The following ADAM20 variants were observed in gnomAD, a reference collection of about 807,000 sequenced individuals.
ADAM20 encodes the protein disintegrin and metalloproteinase domain-containing protein 20.
For missense variants in ADAM20, 871 were observed against 883.2 expected, an observed-to-expected ratio of 0.99 and a Z score of 0.18; for synonymous variants, 305 against 310.2, an observed-to-expected ratio of 0.98 and a Z score of 0.18.
the ADAM20 span, among the ~76,000 whole-genome samples, chr14:70,569,907 A>C: frequency 1.4e-5 from 2 of 145,964 alleles, no homozygotes; most frequent in African/African-American, 5.4e-5. Context: ...AAAAAAAAAA[A>C]AAAAAAACAC....
chr14:70,572,568 C>A, the ADAM20 span, among the ~76,000 whole-genome samples: 3 of 152,038 alleles, frequency 2.0e-5, no homozygotes, highest in South Asian at 4.2e-4. Context: ...ACCTCAAAAA[C>A]AAATGCAACA....
At chr14:70,555,332 C>G in the ADAM20 span, among the ~76,000 whole-genome samples, 3 of 152,154 alleles carry the variant, frequency 2.0e-5, no homozygotes, top group African/African-American at 4.8e-5. Flanking sequence ...ATTAGCTTGA[C>G]TGTGGTGATT....
upstream of ADAM20, among the ~76,000 whole-genome samples, chr14:70,538,426 C>T (rs1247830838): frequency 6.6e-6 from 1 of 152,130 alleles, no homozygotes; most frequent in African/African-American, 2.4e-5. Flanking sequence ...TAACTTCCAC[C>T]CTCACCCCGA....
chr14:70,567,363 G>C, the ADAM20 span, among the ~76,000 whole-genome samples: 62 of 152,180 alleles, frequency 4.1e-4, no homozygotes, highest in African/African-American at 1.4e-3. Context: ...CTAACCACCA[G>C]CATGGGCTAC....
chr14:70,563,465 AACTGTGTTGTTCT>A, the ADAM20 span, among the ~76,000 whole-genome samples: 1 of 152,200 alleles, frequency 6.6e-6, no homozygotes, highest in African/African-American at 2.4e-5. Flanking sequence ...CCAGTTAAAA[AACTGTGTTGTTCT>A]ACGCAAGAAC....
the ADAM20 span, among the ~76,000 whole-genome samples, chr14:70,561,670 A>T: frequency 6.6e-6 from 1 of 152,224 alleles, no homozygotes; most frequent in African/African-American, 2.4e-5. Flanking sequence ...GGACGTGGGA[A>T]TGGCTGCATC....
rs1836692651 is a variant in ADAM20 at position 70,524,039 on chromosome 14, A to G, written c.719T>C (p.Ile240Thr). 2 of 1,613,884 alleles carry G rather than the reference A, an allele frequency of 1.2e-6. No homozygotes were observed. Among genetic ancestry groups the G allele is most frequent in the African/African-American group, 2.7e-5 (2 of 74,926 alleles). The change falls in exon 2 of 2, where the codon ATA becomes ACA. Residue 240 changes from isoleucine (I) to threonine (T), a missense_variant. By Grantham distance (89) the Ile-to-Thr change is moderately conservative (BLOSUM62 -1). Transcript: ENST00000256389. The part of the protein sequence containing the change: ...VQHEVFNVVN[I>T]VDSFYHPLEV... ...CAAAGGATGATAGAAGGAATCCACT[A>G]TATTGACAACGTTAAATACTTCATG...
chr14:70,538,322 G>A (rs1476555750), upstream of ADAM20, among the ~76,000 whole-genome samples: 1 of 152,110 alleles, frequency 6.6e-6, no homozygotes, highest in Non-Finnish European at 1.5e-5. Flanking sequence ...CAGCATCTGG[G>A]ATCTTTCCCG....
At chr14:70,529,975 A>G (rs1031520470) in intron 1 of ADAM20, among the ~76,000 whole-genome samples, 1 of 152,154 alleles carries the variant, frequency 6.6e-6, no homozygotes, top group South Asian at 2.1e-4. Flanking sequence ...AACATTGTAC[A>G]GCTGTACAAA....
In ADAM20 at chr14:70,522,470, A is replaced by T; in HGVS notation, c.*107T>A. The T allele has an allele frequency of 8.7e-7, 1 of 1,144,420 alleles. No individual in the cohort carries two copies. Among genetic ancestry groups the T allele is most frequent in the Non-Finnish European group, 1.2e-6 (1 of 830,304 alleles). The allele number at this position is 1,144,420 out of a possible 1,614,324, so 70.9% of individuals were successfully genotyped here. A position where few individuals can be genotyped will look rare whatever the true frequency, so the allele number is the denominator to read the frequency against. On this transcript the variant is annotated 3_prime_UTR_variant, in exon 2 of 2. Coordinates refer to ENST00000256389, the MANE Select transcript of ADAM20 (RefSeq NM_003814.5). ...CTTGCAATCCTGACATGAAATGTCCATGAAGTTTTATTTAAACAGTGAGAC... is the reference window on the plus strand; with the variant it reads ...CTTGCAATCCTGACATGAAATGTCCTTGAAGTTTTATTTAAACAGTGAGAC...
chr14:70,523,111 T>C lies in ADAM20; in HGVS notation c.1647A>G (p.Thr549=), dbSNP rs751167613. The change falls in exon 2 of 2, where the codon ACA becomes ACG. Residue 549 remains threonine, a synonymous_variant. Coordinates refer to ENST00000256389, the MANE Select transcript of ADAM20 (RefSeq NM_003814.5). The part of the protein sequence containing the change: ...NRFGHCGIVG[T]TYVKCWTPDI... ...CAGGGGTCCAACATTTTACATATGT[T>C]GTGCCTACAATACCACAGTGACCGA... is the stretch of plus-strand genomic sequence containing the variant. 6.2e-7 allele frequency: 1 copy of C among 1,614,060 alleles called. No individual in the cohort carries two copies. Among genetic ancestry groups the C allele is most frequent in the South Asian group, 1.1e-5 (1 of 91,088 alleles).
At chr14:70,546,989 A>G in the ADAM20 span, among the ~76,000 whole-genome samples, 1 of 152,220 alleles carries the variant, frequency 6.6e-6, no homozygotes, top group Middle Eastern at 3.2e-3. Context: ...ACCCAAATCA[A>G]TAAAACCAGA....
the ADAM20 span, among the ~76,000 whole-genome samples, chr14:70,546,109 G>A: frequency 1.3e-5 from 2 of 152,100 alleles, no homozygotes; most frequent in Non-Finnish European, 2.9e-5. Context: ...TGGCCACTGT[G>A]ATCAATGAAG....
Position 70,524,364 on chromosome 14 carries a change from A to G in ADAM20, c.394T>C (p.Phe132Leu). The change falls in exon 2 of 2, where the codon TTT (phenylalanine) becomes CTT (leucine). Residue 132 changes from phenylalanine to leucine, a missense_variant. Transcript: ENST00000256389. ...TCATTTATCTGTAGCATTCCAAGAAAGCCCCCAGAACAGGTACTAAGGGCA... is the reference window on the plus strand; with the variant it reads ...TCATTTATCTGTAGCATTCCAAGAAGGCCCCCAGAACAGGTACTAAGGGCA... ...LVALSTCSGG[F>L]LGMLQINDLV... is the part of the protein sequence containing the mutation. 1 of 1,614,012 alleles carries G rather than the reference A, an allele frequency of 6.2e-7. No individual in the cohort carries two copies. The highest frequency in any genetic ancestry group is 8.5e-7 in the Non-Finnish European group (1 of 1,179,934).
the ADAM20 span, among the ~76,000 whole-genome samples, chr14:70,576,293 G>A: frequency 3.9e-5 from 6 of 152,128 alleles, no homozygotes; most frequent in Non-Finnish European, 8.8e-5. Context: ...GGGCATAACA[G>A]CTTCTGCAGA....
At chr14:70,559,461 T>C in the ADAM20 span, among the ~76,000 whole-genome samples, 1 of 152,180 alleles carries the variant, frequency 6.6e-6, no homozygotes, top group Admixed American at 6.5e-5. Context: ...CTTAGCCTCC[T>C]AACATGTCTC....
At chr14:70,558,334 C>A in the ADAM20 span, among the ~76,000 whole-genome samples, 1 of 152,144 alleles carries the variant, frequency 6.6e-6, no homozygotes, top group African/African-American at 2.4e-5. Flanking sequence ...ATACATAGAT[C>A]GGATTTGATA....
the ADAM20 span, among the ~76,000 whole-genome samples, chr14:70,553,177 G>A: frequency 1.7e-5 from 1 of 57,186 alleles, no homozygotes; most frequent in Non-Finnish European, 3.4e-5. Flanking sequence ...GGGGAGGGGG[G>A]AGGGATAGCA....
At chr14:70,532,581 A>AT (rs1883736587) in intron 1 of ADAM20, among the ~76,000 whole-genome samples, 1 of 152,228 alleles carries the variant, frequency 6.6e-6, no homozygotes, top group Admixed American at 6.5e-5. Flanking sequence ...GTTAATTGTG[A>AT]TTAAGTTCCC....
Sources: allele counts gnomAD v4.1 joint callset (sites outside exome capture counted in the v4.1 genomes callset), GRCh38; gene constraint gnomAD v4.1.1; transcripts MANE v1.5; gene names NCBI Gene and HGNC (gene_info 2026-07-23, HGNC 2026-07-21).